PON1: variants seen among roughly 807,000 people sequenced by gnomAD.
PON1 encodes serum paraoxonase/arylesterase 1.
In PON1, 37 loss-of-function variants were observed where a neutral mutation model predicts 39.2. The observed-to-expected ratio is 0.94, with a 90% CI of 0.73 to 1.24. The LOEUF (loss-of-function observed/expected upper bound fraction) is 1.24. Ranked by LOEUF, PON1 falls within the 50% of genes most tolerant of loss-of-function variation. PON1 has a pLI of 0.00. For synonymous variants in PON1, 148 were observed against 152.2 expected (o/e 0.97, Z 0.21); for missense variants, 397 against 413.5 (o/e 0.96, Z 0.35).
At chr7:95,307,043 TTTTCTTTC>T (rs544300791) in intron 6 of PON1, among the ~76,000 whole-genome samples, 7 of 150,114 alleles carry the variant, frequency 4.7e-5, no homozygotes, top group Non-Finnish European at 1.0e-4. Context: ...TTGCTTTTTC[TTTTCTTTC>T]TTTCTTTCTT....
At chr7:95,309,351 T>G (rs1011469848) in intron 5 of PON1, among the ~76,000 whole-genome samples, 6 of 151,994 alleles carry the variant, frequency 3.9e-5, no homozygotes, top group Admixed American at 3.3e-4. Flanking sequence ...AGGATTAGTC[T>G]GGATGGGCTC....
In PON1 at chr7:95,311,493, G is replaced by A. The variant is rs779112575; in HGVS notation, c.455C>T (p.Ser152Leu). The change falls in exon 5 of 9, where the codon TCG becomes TTG. Residue 152 changes from serine to leucine, a missense_variant. Coordinates refer to ENST00000222381, the MANE Select transcript of PON1 (RefSeq NM_000446.7). ...TCTGATGGTTTTTAGATGCAAAAGC[G>A]ATTTTTCTTCTTCTTGAAATTTAAA... ...ELFKFQEEEK[S>L]LLHLKTIRHK... 5.0e-6 allele frequency: 8 copies of A among 1,611,496 alleles called. No individual in the cohort carries two copies. The highest frequency in any genetic ancestry group is 2.2e-5 in the East Asian group (1 of 44,686).
chr7:95,304,814 G>A (rs1807507561), intron 7 of PON1, among the ~76,000 whole-genome samples: 2 of 152,132 alleles, frequency 1.3e-5, no homozygotes, highest in African/African-American at 4.8e-5. Flanking sequence ...ACAATTGATG[G>A]AGAACCTTTT....
Position 95,298,908 on chromosome 7 carries a change from G to A in PON1, c.*36C>T, listed in dbSNP as rs759293400. ...AATATGGCAAGCGGTTGAAATAATG[G>A]CCTCAGTTTCTATGGCATGGGTGCA... is the stretch of plus-strand genomic sequence containing the variant. On this transcript the variant is annotated 3_prime_UTR_variant, in exon 9 of 9. Coordinates refer to ENST00000222381, the MANE Select transcript of PON1 (RefSeq NM_000446.7). 6.2e-7 allele frequency: 1 copy of A among 1,613,238 alleles called. No individual in the cohort carries two copies. Among genetic ancestry groups the A allele is most frequent in the Non-Finnish European group, 8.5e-7 (1 of 1,179,344 alleles).
In PON1 at chr7:95,324,467, C is replaced by T; in HGVS notation, c.9G>A (p.Lys3=). MA[K]LIALTLLGMG... Reference sequence around the variant, plus strand: ...TCCCCAAGAGGGTGAGCGCAATCAGCTTCGCCATGGTCGGGGATAGACAAA... The same window carrying T: ...TCCCCAAGAGGGTGAGCGCAATCAGTTTCGCCATGGTCGGGGATAGACAAA... Residue 3 remains lysine (K), a synonymous_variant, in exon 1 of 9, where the codon AAG becomes AAA. Coordinates refer to ENST00000222381, the MANE Select transcript of PON1 (RefSeq NM_000446.7). The T allele has an allele frequency of 1.2e-6, 2 of 1,614,154 alleles. No homozygotes were observed. Among genetic ancestry groups the T allele is most frequent in the Non-Finnish European group, 8.5e-7 (1 of 1,179,998 alleles).
At chr7:95,317,573 CAAA>C (rs869140411) in intron 2 of PON1, among the ~76,000 whole-genome samples, 10 of 46,868 alleles carry the variant, frequency 2.1e-4, no homozygotes, top group Non-Finnish European at 4.8e-4. Flanking sequence ...TCTAAAAGAA[CAAA>C]AAAAAAAAAA....
intron 1 of PON1, among the ~76,000 whole-genome samples, chr7:95,322,649 T>C (rs1807924880): frequency 6.6e-6 from 1 of 152,100 alleles, no homozygotes; most frequent in Non-Finnish European, 1.5e-5. Context: ...GACAAGGAAG[T>C]TGCCATACAG....
chr7:95,323,183 G>A (rs1382294414), intron 1 of PON1, among the ~76,000 whole-genome samples: 1 of 152,152 alleles, frequency 6.6e-6, no homozygotes, highest in Non-Finnish European at 1.5e-5. Flanking sequence ...CAGTTGAGTA[G>A]CTAGGTTTTA....
chr7:95,317,299 C>T (rs529250927), intron 2 of PON1, among the ~76,000 whole-genome samples: 4 of 151,980 alleles, frequency 2.6e-5, no homozygotes, highest in East Asian at 1.9e-4. Flanking sequence ...TTATAAACAT[C>T]GGTTAAATAT....
chr7:95,307,953 T>G, intron 6 of PON1, 58 bp downstream of exon 6: 3 of 1,466,418 alleles, frequency 2.0e-6, no homozygotes, highest in Non-Finnish European at 2.9e-6. Context: ...AAGAATATAT[T>G]CCAAGATATC....
intron 7 of PON1, among the ~76,000 whole-genome samples, chr7:95,302,791 G>A (rs1365790696): frequency 5.9e-5 from 9 of 152,156 alleles, no homozygotes; most frequent in Admixed American, 4.6e-4. Context: ...CTAATCATAG[G>A]CTGTGCAGCC....
chr7:95,310,874 G>A (rs1361268382), intron 5 of PON1, among the ~76,000 whole-genome samples: 1 of 152,232 alleles, frequency 6.6e-6, no homozygotes, highest in Admixed American at 6.5e-5. Flanking sequence ...ATGTGAGGAA[G>A]TTGACTGAGA....
Position 95,298,910 on chromosome 7 carries a change from CTCAG to C in PON1, c.*30_*33del. 6.2e-7 allele frequency: 1 copy of C among 1,613,792 alleles called. No individual in the cohort carries two copies. The highest frequency in any genetic ancestry group is 1.1e-5 in the South Asian group (1 of 91,080). ...TATGGCAAGCGGTTGAAATAATGGCCTCAGTTTCTATGGCATGGGTGCAAATCGG... is the reference window on the plus strand; with the variant it reads ...TATGGCAAGCGGTTGAAATAATGGCCTTTCTATGGCATGGGTGCAAATCGG... On this transcript the variant is annotated 3_prime_UTR_variant, in exon 9 of 9. Transcript: ENST00000222381.
At position 95,305,374 on chromosome 7, in the gene PON1, G is replaced by A. The variant is rs116700165; in HGVS notation, c.780+911C>T. ...CTTCAGATGACCAGAATTGGTGGGG[G>A]CAGCAGGTGAATCCCTGAAGCATGC... On this transcript the variant is annotated intron_variant, in intron 7 of 8. Coordinates refer to ENST00000222381, the MANE Select transcript of PON1 (RefSeq NM_000446.7). 3.0e-3 allele frequency among the ~76,000 whole-genome samples: 458 copies of A among 152,216 alleles called. 1 individual carries two copies. Among genetic ancestry groups the A allele is most frequent in the African/African-American group, 0.01 (432 of 41,520 alleles).
intron 6 of PON1, among the ~76,000 whole-genome samples, chr7:95,307,483 C>T (rs958274949): frequency 6.6e-6 from 1 of 152,172 alleles, no homozygotes; most frequent in Non-Finnish European, 1.5e-5. Context: ...AATGCAGTCT[C>T]CAGACCAATG....
At chr7:95,317,573 C>CAAAAAAAAAAAAAAAAAAAAA (rs869140411) in intron 2 of PON1, among the ~76,000 whole-genome samples, 2 of 46,866 alleles carry the variant, frequency 4.3e-5, no homozygotes, top group African/African-American at 1.3e-4. Context: ...TCTAAAAGAA[C>CAAAAAAAAAAAAAAAAAAAAA]AAAAAAAAAA....
intron 5 of PON1, among the ~76,000 whole-genome samples, chr7:95,310,600 C>T (rs1180662433): frequency 1.3e-5 from 2 of 152,156 alleles, no homozygotes; most frequent in Admixed American, 6.5e-5. Flanking sequence ...TCCTCATCCT[C>T]AAACCACCAG....
chr7:95,318,474 G>T, intron 1 of PON1, 81 bp from the exon 2 acceptor site: 1 of 1,311,730 alleles, frequency 7.6e-7, no homozygotes, highest in Non-Finnish European at 1.1e-6. Context: ...GTCCACAAAA[G>T]TTCTCCTTCA....
chr7:95,302,423 G>T, intron 7 of PON1, 90 bp from the exon 8 acceptor site: 1 of 1,180,646 alleles, frequency 8.5e-7, no homozygotes, highest in Non-Finnish European at 1.2e-6. Context: ...GTTGCCTCTT[G>T]TCCTTGGTCA....
Sources: gnomAD v4.1 joint callset for allele counts (sites outside exome capture counted in the v4.1 genomes callset) on GRCh38, gnomAD v4.1.1 for gene constraint, MANE v1.5 for transcripts, NCBI Gene and HGNC (gene_info 2026-07-23, HGNC 2026-07-21) for gene names.